Variants in GLI2 observed in about 807,000 individuals in gnomAD.
GLI2 encodes the protein transcription activator GLI2.
GLI2 carries 22 observed loss-of-function variants against 78.9 expected under a neutral mutation model. The observed-to-expected ratio is 0.28, with a 90% CI of 0.20 to 0.40. The LOEUF (loss-of-function observed/expected upper bound fraction) is 0.40, where lower values mean the gene tolerates loss of function less well. Among genes scored for constraint, GLI2 ranks in the 10% least tolerant of loss-of-function variants. GLI2 has a pLI of 1.00. For missense variants in GLI2, 2,097 were observed against 2,213.2 expected (o/e 0.95, Z 1.05); for synonymous variants, 974 against 963.7 (o/e 1.01, Z -0.20).
chr2:120,741,982 C>T (rs1682560984), intron 1 of GLI2, among the ~76,000 whole-genome samples: 1 of 152,358 alleles, frequency 6.6e-6, no homozygotes, highest in East Asian at 1.9e-4. Flanking sequence ...CGAGGGGCGC[C>T]CCGGGTCTTC....
chr2:120,896,289 G>A (rs993044090), intron 2 of GLI2, among the ~76,000 whole-genome samples: 10 of 151,998 alleles, frequency 6.6e-5, no homozygotes, highest in Non-Finnish European at 1.3e-4. Flanking sequence ...CAGGCCTAGT[G>A]GGAGACTCAG....
At chr2:120,978,212 C>T (rs1682550561) in intron 9 of GLI2, among the ~76,000 whole-genome samples, 1 of 152,032 alleles carries the variant, frequency 6.6e-6, no homozygotes, top group African/African-American at 2.4e-5. Flanking sequence ...TGGCCCGGCT[C>T]GTAGGGGTGG....
At position 120,800,922 on chromosome 2, in the gene GLI2, A is replaced by C. The variant is rs963718967; in HGVS notation, c.148+3454A>C. On this transcript the variant is annotated intron_variant, in intron 2 of 13. Coordinates refer to ENST00000361492, the MANE Select transcript of GLI2 (RefSeq NM_001374353.1). The surrounding 1 kb of genome is among the most constrained non-coding windows in gnomAD (Gnocchi z 4.1). Reference sequence around the variant, plus strand: ...GGGCGCAGTGGTGAGGAAACAGCCAAATCCTGCAAGCTGTCAGGGGCTGTT... The same window carrying C: ...GGGCGCAGTGGTGAGGAAACAGCCACATCCTGCAAGCTGTCAGGGGCTGTT... Among the ~76,000 whole-genome samples, 1 of 152,184 alleles carries C rather than the reference A, an allele frequency of 6.6e-6. No individual in the cohort carries two copies. The highest frequency in any genetic ancestry group is 2.4e-5 in the African/African-American group (1 of 41,452).
chr2:120,893,701 A>AC (rs1157543670), intron 2 of GLI2, among the ~76,000 whole-genome samples: 3 of 151,320 alleles, frequency 2.0e-5, no homozygotes, highest in East Asian at 1.9e-4. Flanking sequence ...GTTCCCCCCA[A>AC]CCCCCCACAA....
intron 3 of GLI2, among the ~76,000 whole-genome samples, chr2:120,947,234 C>T (rs1205308025): frequency 3.3e-5 from 5 of 152,248 alleles, no homozygotes; most frequent in Admixed American, 2.0e-4. Context: ...GCAGGGGCTC[C>T]AGCCCAGCCC....
chr2:120,897,877 C>A (rs1006420587), intron 2 of GLI2, among the ~76,000 whole-genome samples: 1 of 152,076 alleles, frequency 6.6e-6, no homozygotes, highest in Non-Finnish European at 1.5e-5. Context: ...CTTTAAGGTG[C>A]TAAAGTCTCA....
chr2:120,970,716 C>T, intron 7 of GLI2, 110 bp downstream of exon 7: 2 of 940,382 alleles, frequency 2.1e-6, no homozygotes, highest in Non-Finnish European at 3.3e-6. Context: ...GGATTTACGT[C>T]TGGCCGCTAG....
At chr2:120,862,274 G>A (rs1043973452) in intron 2 of GLI2, among the ~76,000 whole-genome samples, 1 of 152,166 alleles carries the variant, frequency 6.6e-6, no homozygotes, top group South Asian at 2.1e-4. Flanking sequence ...TTTGCTAAAT[G>A]TTTGTGGAAT....
At chr2:120,952,156 C>A (rs754031446) in intron 4 of GLI2, among the ~76,000 whole-genome samples, 1 of 152,246 alleles carries the variant, frequency 6.6e-6, no homozygotes, top group Non-Finnish European at 1.5e-5. Context: ...CCCACCATGC[C>A]GTCTCCCTGG....
At chr2:120,918,675 A>G (rs772753550) in intron 2 of GLI2, among the ~76,000 whole-genome samples, 10 of 152,142 alleles carry the variant, frequency 6.6e-5, no homozygotes, top group Non-Finnish European at 1.2e-4. Flanking sequence ...TCCTGACCTC[A>G]GGTGATCCAC....
chr2:120,963,535 C>T (rs116688275), intron 5 of GLI2, among the ~76,000 whole-genome samples: 4,114 of 151,538 alleles, frequency 0.027, 192 homozygotes, highest in African/African-American at 0.095. Flanking sequence ...TATGTGTCCA[C>T]CTGGGGTGTT....
At chr2:120,922,743 C>T (rs754623563) in intron 2 of GLI2, among the ~76,000 whole-genome samples, 3 of 152,176 alleles carry the variant, frequency 2.0e-5, no homozygotes, top group Non-Finnish European at 4.4e-5. Flanking sequence ...CCCACTAACA[C>T]GTGTTCCCAG....
intron 2 of GLI2, among the ~76,000 whole-genome samples, chr2:120,804,252 A>T (rs1573400868): frequency 6.6e-6 from 1 of 152,296 alleles, no homozygotes; most frequent in East Asian, 1.9e-4. Flanking sequence ...CTCCATTGGT[A>T]CGTACCTCCA....
intron 2 of GLI2, among the ~76,000 whole-genome samples, chr2:120,815,989 G>A (rs527675728): frequency 6.6e-6 from 1 of 152,244 alleles, no homozygotes; most frequent in African/African-American, 2.4e-5. Flanking sequence ...TGGGGTTGGA[G>A]GTGGGTTGTA....
intron 2 of GLI2, among the ~76,000 whole-genome samples, chr2:120,905,137 T>A (rs1223415625): frequency 6.6e-6 from 1 of 152,142 alleles, no homozygotes; most frequent in East Asian, 1.9e-4. Context: ...TTAGCAGTCA[T>A]TTCTGGCAGC....
chr2:120,961,294 T>C (rs2104986943), intron 5 of GLI2, among the ~76,000 whole-genome samples: 1 of 152,218 alleles, frequency 6.6e-6, no homozygotes, highest in South Asian at 2.1e-4. Flanking sequence ...ATTACATTGA[T>C]CAAACCCAGA....
At chr2:120,763,334 A>T (rs1364083520) in intron 1 of GLI2, among the ~76,000 whole-genome samples, 1 of 152,240 alleles carries the variant, frequency 6.6e-6, no homozygotes, top group Non-Finnish European at 1.5e-5. Flanking sequence ...GAGTGGATGG[A>T]TGGGTAGATG....
intron 2 of GLI2, among the ~76,000 whole-genome samples, chr2:120,798,088 C>T (rs1271669674): frequency 6.6e-6 from 1 of 152,140 alleles, no homozygotes; most frequent in Non-Finnish European, 1.5e-5. Context: ...TGTGTCTGCA[C>T]AGTCCATCTG....
intron 2 of GLI2, among the ~76,000 whole-genome samples, chr2:120,802,274 A>G (rs115332120): frequency 0.012 from 1,803 of 152,290 alleles, 30 homozygotes; most frequent in African/African-American, 0.041. Context: ...AGAGCAGAGC[A>G]TGGCTGGGCT....
Sources: allele counts gnomAD v4.1 joint callset (sites outside exome capture counted in the v4.1 genomes callset), GRCh38; gene constraint gnomAD v4.1.1; non-coding constraint Gnocchi (gnomAD v3.1); transcripts MANE v1.5; gene names NCBI Gene and HGNC (gene_info 2026-07-23, HGNC 2026-07-21).